The following TEKT4 variants were observed in gnomAD, a reference collection of about 807,000 sequenced individuals.
TEKT4 encodes the protein tektin 4.
A neutral mutation model predicts 46.0 loss-of-function variants in TEKT4; 46 were observed. The ratio of observed to expected loss-of-function variants is 1.00; its 90% CI spans 0.79 to 1.28. TEKT4 has a LOEUF of 1.28. Among genes scored for constraint, TEKT4 ranks in the 50% most tolerant of loss-of-function variants. The pLI, the probability that TEKT4 is intolerant of heterozygous loss-of-function variation, is 0.00. For missense variants in TEKT4, 790 were observed against 622.9 expected, an observed-to-expected ratio of 1.27 and a Z score of -2.85; for synonymous variants, 325 against 265.8, an observed-to-expected ratio of 1.22 and a Z score of -2.17.
Position 94,873,529 on chromosome 2 carries a change from C to T in TEKT4, c.508C>T (p.Leu170Phe), listed in dbSNP as rs776699345. The T allele has an allele frequency of 6.2e-7, 1 of 1,612,418 alleles. No homozygotes were observed. The highest frequency in any genetic ancestry group is 8.5e-7 in the Non-Finnish European group (1 of 1,180,018). ...GCGTCTCCTCCCTCAGGAAGCCGAG[C>T]TCATCCGGAACATTCAGGAGCTGCT... Reference protein sequence around the residue: ...VETELLKEAELIRNIQELLKR... With the variant: ...VETELLKEAEFIRNIQELLKR... Residue 170 changes from leucine to phenylalanine, a missense_variant, in exon 2 of 6, where the codon CTC (leucine) becomes TTC (phenylalanine). By Grantham distance (22) the Leu-to-Phe change is conservative. Transcript: ENST00000295201.
intron 5 of TEKT4, among the ~76,000 whole-genome samples, chr2:94,876,326 G>A (rs1228390029): frequency 6.6e-6 from 1 of 152,156 alleles, no homozygotes; most frequent in Non-Finnish European, 1.5e-5. Context: ...TCCTGCCAGG[G>A]TCGAGATTGC....
intron 4 of TEKT4, among the ~76,000 whole-genome samples, chr2:94,875,294 A>G (rs1253182434): frequency 1.3e-5 from 2 of 152,164 alleles, no homozygotes; most frequent in Non-Finnish European, 2.9e-5. Flanking sequence ...CTAGGGTCTC[A>G]GCGTGGCCTT....
rs1480509340 is a variant in TEKT4, at chr2:94,871,452, C to A, written c.-128C>A. 2.4e-6 allele frequency: 3 copies of A among 1,227,558 alleles called. No homozygotes were observed. The African/African-American group carries it at 4.6e-5, about 19-fold the overall frequency. The allele number at this position is 1,227,558 out of a possible 1,614,324, so 76.0% of individuals were successfully genotyped here. A position where few individuals can be genotyped will look rare whatever the true frequency, so the allele number is the denominator to read the frequency against. ...CTTGGTTTACACAGTGTCACCCAAG[C>A]GACTGGGAGCCGCGTCCTGCTCTGG... On this transcript the variant is annotated 5_prime_UTR_variant, in exon 1 of 6. Coordinates refer to ENST00000295201, the MANE Select transcript of TEKT4 (RefSeq NM_144705.4).
intron 1 of TEKT4, chr2:94,872,812 T>TG (rs1553395049): frequency 7.8e-7 from 1 of 1,289,372 alleles, no homozygotes; most frequent in Non-Finnish European, 1.0e-6. Context: ...TTTACCCTTC[T>TG]GCAGGCCCTT....
At chr2:94,873,338 A>G in intron 1 of TEKT4, 182 bp from the exon 2 acceptor site, 1 of 1,451,202 alleles carries the variant, frequency 6.9e-7, no homozygotes, top group Non-Finnish European at 9.1e-7. Context: ...CAACGCACCA[A>G]GGAGAATGCC....
intron 1 of TEKT4, 88 bp from the exon 2 acceptor site, chr2:94,873,432 C>G (rs1680669147): frequency 1.1e-5 from 17 of 1,601,308 alleles, no homozygotes; most frequent in South Asian, 3.4e-5. Flanking sequence ...TGTGGTTGCT[C>G]AGGTGTTGAC....
At position 94,873,959 on chromosome 2, in the gene TEKT4, C is replaced by A. The variant is rs781962468; in HGVS notation, c.570-6C>A. ...CACATCAAGGCCCTGCCCCACCCCG[C>A]CCCAGACTGAACCGGGAGCACAAGG... On this transcript the variant is annotated splice_region_variant and splice_polypyrimidine_tract_variant and intron_variant, in intron 2 of 5. Coordinates refer to ENST00000295201, the MANE Select transcript of TEKT4 (RefSeq NM_144705.4). The A allele has an allele frequency of 1.5e-4, 235 of 1,613,554 alleles. No individual in the cohort carries two copies. The highest frequency in any genetic ancestry group is 1.2e-4 in the Admixed American group (7 of 60,010).
chr2:94,871,756 C>T lies in TEKT4; in HGVS notation c.177C>T (p.Arg59=), dbSNP rs11889464. 73,383 of 1,612,480 alleles carry T rather than the reference C, an allele frequency of 0.046. 3,777 individuals are homozygous for T. Among genetic ancestry groups the T allele is most frequent in the African/African-American group, 0.27 (19,905 of 74,984 alleles). ...GCTACCACCAGGCCTTCGCCGACCGCGACCAGTCGGAGCGGCAGCGGCACG... is the reference window on the plus strand; with the variant it reads ...GCTACCACCAGGCCTTCGCCGACCGTGACCAGTCGGAGCGGCAGCGGCACG... The part of the protein sequence containing the change: ...YARYHQAFAD[R]DQSERQRHES... The change falls in exon 1 of 6, where the codon CGC becomes CGT. Residue 59 remains arginine (R), a synonymous_variant. Transcript: ENST00000295201.
In TEKT4 at chr2:94,871,482, G is replaced by T; in HGVS notation, c.-98G>T. 1 of 1,413,936 alleles carries T rather than the reference G, an allele frequency of 7.1e-7. No individual in the cohort carries two copies. Among genetic ancestry groups the T allele is most frequent in the Non-Finnish European group, 9.3e-7 (1 of 1,073,384 alleles). The allele number at this position is 1,413,936 out of a possible 1,614,324, so 87.6% of individuals were successfully genotyped here. On this transcript the variant is annotated 5_prime_UTR_variant, in exon 1 of 6. Transcript: ENST00000295201. Reference sequence around the variant, plus strand: ...GGGAGCCGCGTCCTGCTCTGGGACTGAGCCGTTGGAGCTGCCCCGCTGACC... The same window carrying T: ...GGGAGCCGCGTCCTGCTCTGGGACTTAGCCGTTGGAGCTGCCCCGCTGACC...
At chr2:94,875,786 C>T (rs1553396357) in intron 5 of TEKT4, 44 bp downstream of exon 5, 4 of 1,589,558 alleles carry the variant, frequency 2.5e-6, no homozygotes, top group African/African-American at 2.7e-5. Flanking sequence ...GCCCTGTCCA[C>T]CTCCTCCCTG....
In TEKT4 at chr2:94,871,863, T is replaced by C. The variant is rs1476693093; in HGVS notation, c.284T>C (p.Leu95Pro). 6 of 1,601,742 alleles carry C rather than the reference T, an allele frequency of 3.7e-6. No homozygotes were observed. The highest frequency in any genetic ancestry group is 5.1e-6 in the Non-Finnish European group (6 of 1,176,232). The stretch of plus-strand genomic sequence containing the variant: ...TCCACGCGCACAGTGGGCGAGCGAC[T>C]GCAGGACACGCACAGCTGGAAGTCG... ...QDSTRTVGER[L>P]QDTHSWKSEL... is the part of the protein sequence containing the mutation. Residue 95 changes from leucine to proline, a missense_variant, in exon 1 of 6, where the codon CTG (leucine) becomes CCG (proline). Physicochemically the swap from Leu to Pro is moderately conservative, Grantham distance 98 (BLOSUM62 -3). Coordinates refer to ENST00000295201, the MANE Select transcript of TEKT4 (RefSeq NM_144705.4).
In TEKT4 at chr2:94,876,537, C is replaced by A; in HGVS notation, c.1092-16C>A. The stretch of plus-strand genomic sequence containing the variant: ...GCCCTCCCTAGCCCCGGCTCACACC[C>A]CCCCAACACCCCCAGGCTGTTGAGT... On this transcript the variant is annotated splice_polypyrimidine_tract_variant and intron_variant, in intron 5 of 5. Coordinates refer to ENST00000295201, the MANE Select transcript of TEKT4 (RefSeq NM_144705.4). 3 of 1,592,830 alleles carry A rather than the reference C, an allele frequency of 1.9e-6. No homozygotes were observed. The highest frequency in any genetic ancestry group is 1.7e-6 in the Non-Finnish European group (2 of 1,171,332).
At chr2:94,875,497 C>A in intron 4 of TEKT4, 91 bp from the exon 5 acceptor site, 1 of 1,571,858 alleles carries the variant, frequency 6.4e-7, no homozygotes, top group Non-Finnish European at 8.6e-7. Context: ...CTGGACACAG[C>A]CCCAAGACCT....
At chr2:94,875,252 A>G (rs1553396062) in intron 4 of TEKT4, among the ~76,000 whole-genome samples, 1 of 152,172 alleles carries the variant, frequency 6.6e-6, no homozygotes, top group Non-Finnish European at 1.5e-5. Context: ...GAGGTCCCCA[A>G]GAGTCCTGGC....
chr2:94,872,173 G>GC (rs1206130452), intron 1 of TEKT4, 96 bp downstream of exon 1: 1 of 1,420,374 alleles, frequency 7.0e-7, no homozygotes, highest in Non-Finnish European at 9.3e-7. Flanking sequence ...GCTGCTGCAA[G>GC]CACGCGGGAG....
Position 94,873,985 on chromosome 2 carries a change from A to G in TEKT4, c.590A>G (p.Glu197Gly). ...SQIRLNREHK[E>G]TCEMDWSDKM... The stretch of plus-strand genomic sequence containing the variant: ...CCCAGACTGAACCGGGAGCACAAGG[A>G]GACCTGCGAGATGGACTGGTCAGAC... The change falls in exon 3 of 6, where the codon GAG becomes GGG. Residue 197 changes from glutamate to glycine, a missense_variant. Coordinates refer to ENST00000295201, the MANE Select transcript of TEKT4 (RefSeq NM_144705.4). The G allele has an allele frequency of 6.2e-7, 1 of 1,609,476 alleles. No homozygotes were observed. The highest frequency in any genetic ancestry group is 8.5e-7 in the Non-Finnish European group (1 of 1,177,834).
chr2:94,871,677 G>A lies in TEKT4; in HGVS notation c.98G>A (p.Ser33Asn). The change falls in exon 1 of 6, where the codon AGC becomes AAC. Residue 33 changes from serine (S) to asparagine (N), a missense_variant. By Grantham distance (46) the Ser-to-Asn change is conservative. Coordinates refer to ENST00000295201, the MANE Select transcript of TEKT4 (RefSeq NM_144705.4). ...AYTSSGLATA[S>N]FRTSKYLLEE... ...ACGTCCTCCGGCCTGGCCACCGCCA[G>A]CTTCCGCACCTCCAAGTACCTGCTG... 1 of 1,612,606 alleles carries A rather than the reference G, an allele frequency of 6.2e-7. No homozygotes were observed. Among genetic ancestry groups the A allele is most frequent in the Non-Finnish European group, 8.5e-7 (1 of 1,179,930 alleles).
Position 94,875,635 on chromosome 2 carries a change from G to T in TEKT4, c.984G>T (p.Lys328Asn). 1.9e-6 allele frequency: 3 copies of T among 1,614,176 alleles called. No individual in the cohort carries two copies. The highest frequency in any genetic ancestry group is 2.5e-6 in the Non-Finnish European group (3 of 1,180,016). ...TDQEHNVAALKQAIKDKEAPL... is the reference protein window; with the variant it reads ...TDQEHNVAALNQAIKDKEAPL... Reference sequence around the variant, plus strand: ...AGGAACACAACGTGGCGGCACTGAAGCAGGCCATCAAGGACAAAGAGGCAC... The same window carrying T: ...AGGAACACAACGTGGCGGCACTGAATCAGGCCATCAAGGACAAAGAGGCAC... Residue 328 changes from lysine (K) to asparagine (N), a missense_variant, in exon 5 of 6, where the codon AAG (lysine) becomes AAT (asparagine). Coordinates refer to ENST00000295201, the MANE Select transcript of TEKT4 (RefSeq NM_144705.4).
chr2:94,872,977 AG>A (rs1553395131), intron 1 of TEKT4: 1 of 1,289,454 alleles, frequency 7.8e-7, no homozygotes, highest in South Asian at 1.2e-5. Flanking sequence ...CTGGCACACA[AG>A]GAAGTACCCA....
Sources: allele counts gnomAD v4.1 joint callset (sites outside exome capture counted in the v4.1 genomes callset), GRCh38; gene constraint gnomAD v4.1.1; transcripts MANE v1.5; gene names NCBI Gene and HGNC (gene_info 2026-07-23, HGNC 2026-07-21).